HS2ST1: variants seen among roughly 807,000 people sequenced by gnomAD.
HS2ST1 encodes 2-O-sulfotransferase.
HS2ST1 carries 18 observed loss-of-function variants against 42.9 expected under a neutral mutation model. The ratio of observed to expected loss-of-function variants is 0.42; its 90% CI spans 0.29 to 0.62. HS2ST1 has a LOEUF of 0.62. HS2ST1 is among the 20% of genes least tolerant of loss of function. HS2ST1 has a pLI of 0.21. For missense variants in HS2ST1, 334 were observed against 433.8 expected, an observed-to-expected ratio of 0.77 and a Z score of 2.04; for synonymous variants, 146 against 152.9, an observed-to-expected ratio of 0.95 and a Z score of 0.33.
chr1:87,081,039 C>G (rs1239246465), intron 2 of HS2ST1, among the ~76,000 whole-genome samples: 1 of 152,136 alleles, frequency 6.6e-6, no homozygotes, highest in African/African-American at 2.4e-5. Flanking sequence ...CTGTCCAACA[C>G]TGGAGCATCC....
At chr1:87,045,067 C>A in intron 1 of HS2ST1, 2 of 1,082,812 alleles carry the variant, frequency 1.8e-6, no homozygotes, top group Non-Finnish European at 2.9e-6. Flanking sequence ...TTTGAAGAAT[C>A]TTCTTCATCC....
At chr1:87,089,480 T>C (rs1466652381) in intron 3 of HS2ST1, among the ~76,000 whole-genome samples, 1 of 152,000 alleles carries the variant, frequency 6.6e-6, no homozygotes, top group Non-Finnish European at 1.5e-5. Flanking sequence ...GCTGAAATGA[T>C]TGACCAGAGT....
At chr1:87,049,137 T>G (rs1243833155) in intron 1 of HS2ST1, among the ~76,000 whole-genome samples, 1 of 152,070 alleles carries the variant, frequency 6.6e-6, no homozygotes, top group East Asian at 1.9e-4. Flanking sequence ...TTTAGCTATC[T>G]GTGAGCTTCG....
chr1:86,942,559 GAAAT>G (rs1166629378), intron 1 of HS2ST1, among the ~76,000 whole-genome samples: 1 of 152,132 alleles, frequency 6.6e-6, no homozygotes, highest in African/African-American at 2.4e-5. Flanking sequence ...AATTATTTCA[GAAAT>G]AATGAAAATA....
chr1:86,993,471 CTCCTT>C (rs2100562521), intron 1 of HS2ST1, among the ~76,000 whole-genome samples: 1 of 152,272 alleles, frequency 6.6e-6, no homozygotes, highest in Non-Finnish European at 1.5e-5. Flanking sequence ...TAGTTACCCT[CTCCTT>C]AGAGGCTTTG....
chr1:87,030,843 G>T (rs1650217560), intron 1 of HS2ST1, among the ~76,000 whole-genome samples: 1 of 152,034 alleles, frequency 6.6e-6, no homozygotes, highest in African/African-American at 2.4e-5. Flanking sequence ...CTTATTATGG[G>T]GTATTATGCA....
chr1:86,946,106 G>A (rs2102180817), intron 1 of HS2ST1, among the ~76,000 whole-genome samples: 1 of 152,228 alleles, frequency 6.6e-6, no homozygotes, highest in East Asian at 1.9e-4. Flanking sequence ...CTTAAATTTA[G>A]AAGTTGATTT....
chr1:87,101,354 T>C (rs1652201155), intron 5 of HS2ST1, among the ~76,000 whole-genome samples: 1 of 151,494 alleles, frequency 6.6e-6, no homozygotes, highest in South Asian at 2.1e-4. Context: ...TTAGTAAAGA[T>C]GGGGTTTCGC....
At chr1:86,992,662 A>G (rs545071869) in intron 1 of HS2ST1, among the ~76,000 whole-genome samples, 3 of 152,134 alleles carry the variant, frequency 2.0e-5, no homozygotes, top group South Asian at 2.1e-4. Context: ...GCACCTGGCA[A>G]ATTTTTTGTT....
At chr1:86,968,009 C>T (rs1648098202) in intron 1 of HS2ST1, among the ~76,000 whole-genome samples, 1 of 152,186 alleles carries the variant, frequency 6.6e-6, no homozygotes, top group Admixed American at 6.5e-5. Context: ...AAGGTGATAT[C>T]TCATTGCGGT....
At chr1:86,955,249 G>C (rs1381375981) in intron 1 of HS2ST1, among the ~76,000 whole-genome samples, 1 of 152,144 alleles carries the variant, frequency 6.6e-6, no homozygotes, top group African/African-American at 2.4e-5. Context: ...AGGGAATATT[G>C]AGTCATGTAG....
intron 2 of HS2ST1, among the ~76,000 whole-genome samples, chr1:87,075,403 G>A (rs1651515768): frequency 6.6e-6 from 1 of 152,030 alleles, no homozygotes; most frequent in African/African-American, 2.4e-5. Flanking sequence ...CTGACCTCAG[G>A]TGATCCGCCC....
intron 1 of HS2ST1, among the ~76,000 whole-genome samples, chr1:86,930,276 T>G (rs1660517060): frequency 6.6e-6 from 1 of 151,882 alleles, no homozygotes; most frequent in Non-Finnish European, 1.5e-5. Flanking sequence ...TTTTCCTAAT[T>G]AGCAGTGAAA....
At chr1:87,066,110 T>C (rs899074335) in intron 1 of HS2ST1, among the ~76,000 whole-genome samples, 3 of 151,944 alleles carry the variant, frequency 2.0e-5, no homozygotes, top group African/African-American at 7.3e-5. Flanking sequence ...TAGTTTAATG[T>C]AATGTTTTAT....
chr1:87,057,150 CA>C (rs904426705), intron 1 of HS2ST1, among the ~76,000 whole-genome samples: 1 of 152,092 alleles, frequency 6.6e-6, no homozygotes, highest in African/African-American at 2.4e-5. Context: ...AATTTTTTCA[CA>C]AAATCATGTC....
chr1:86,916,104 G>A (rs902343461), intron 1 of HS2ST1, among the ~76,000 whole-genome samples: 6 of 152,178 alleles, frequency 3.9e-5, no homozygotes, highest in African/African-American at 1.2e-4. Context: ...ACAGATAATA[G>A]GTACTTTCGG....
intron 1 of HS2ST1, among the ~76,000 whole-genome samples, chr1:87,014,797 C>G (rs1402349571): frequency 6.6e-6 from 1 of 152,226 alleles, no homozygotes; most frequent in Admixed American, 6.5e-5. Context: ...TCGTGTCACT[C>G]TTGTTATTGA....
intron 1 of HS2ST1, among the ~76,000 whole-genome samples, chr1:87,062,010 C>T (rs1249710371): frequency 6.6e-6 from 1 of 151,574 alleles, no homozygotes; most frequent in Non-Finnish European, 1.5e-5. Flanking sequence ...TTTTGATTTG[C>T]ATGTCCCAGT....
intron 1 of HS2ST1, among the ~76,000 whole-genome samples, chr1:87,033,499 A>G (rs1430080445): frequency 6.6e-6 from 1 of 152,018 alleles, no homozygotes; most frequent in Non-Finnish European, 1.5e-5. Flanking sequence ...TCTTTCTCTA[A>G]TTCTTCTATA....
Sources: gnomAD v4.1 joint callset for allele counts (sites outside exome capture counted in the v4.1 genomes callset) on GRCh38, gnomAD v4.1.1 for gene constraint, MANE v1.5 for transcripts, NCBI Gene and HGNC (gene_info 2026-07-23, HGNC 2026-07-21) for gene names.